Variants in PTPRN2 observed in about 807,000 individuals in gnomAD.
PTPRN2 encodes protein tyrosine phosphatase receptor type N2, also known as receptor-type tyrosine-protein phosphatase N2.
PTPRN2 carries 74 observed loss-of-function variants against 118.8 expected under a neutral mutation model. The observed-to-expected ratio is 0.62, with a 90% confidence interval of 0.52 to 0.76. The LOEUF (loss-of-function observed/expected upper bound fraction) is 0.76. PTPRN2 is among the 30% of genes least tolerant of loss of function. The pLI is 0.00. For synonymous variants in PTPRN2, 641 were observed against 608.0 expected, an observed-to-expected ratio of 1.05 and a Z score of -0.80; for missense variants, 1,481 against 1,394.4, an observed-to-expected ratio of 1.06 and a Z score of -0.99.
intron 5 of PTPRN2, among the ~76,000 whole-genome samples, chr7:158,180,817 G>A (rs1028954598): frequency 7.9e-5 from 12 of 152,128 alleles, no homozygotes; most frequent in African/African-American, 1.7e-4. Context: ...TCCTGAATTC[G>A]TTTATGAAAT....
At chr7:158,238,711 C>T (rs1388194034) in intron 3 of PTPRN2, among the ~76,000 whole-genome samples, 3 of 152,146 alleles carry the variant, frequency 2.0e-5, no homozygotes, top group Non-Finnish European at 4.4e-5. Flanking sequence ...CTGGGACTGG[C>T]TCTAGGTCAT....
chr7:158,007,479 G>A (rs1027158954), intron 11 of PTPRN2, among the ~76,000 whole-genome samples: 2 of 152,170 alleles, frequency 1.3e-5, no homozygotes, highest in South Asian at 2.1e-4. Flanking sequence ...TGATGGAGGG[G>A]ACCCAGACGC....
intron 1 of PTPRN2, among the ~76,000 whole-genome samples, chr7:158,524,948 T>C (rs1263997406): frequency 6.6e-6 from 1 of 152,180 alleles, no homozygotes; most frequent in African/African-American, 2.4e-5. Context: ...ATGAGGCCAC[T>C]GGGGGCTCCT....
intron 9 of PTPRN2, among the ~76,000 whole-genome samples, chr7:158,132,600 T>G (rs547820501): frequency 1.2e-5 from 1 of 84,794 alleles, no homozygotes; most frequent in Non-Finnish European, 2.2e-5. Flanking sequence ...TATGCACAGA[T>G]ACATGTCTAC....
Position 158,361,724 on chromosome 7 carries a change from T to C in PTPRN2, c.164-44792A>G, listed in dbSNP as rs1050493148. 6.6e-5 allele frequency among the ~76,000 whole-genome samples: 10 copies of C among 152,294 alleles called. No homozygotes were observed. In the South Asian group the frequency reaches 2.1e-3, roughly 32 times the overall value. ...GGGGGATCCTAGGCAGGCATGGATC[T>C]GTGTTCCCCCAACACAGATACCAAC... On this transcript the variant is annotated intron_variant, in intron 2 of 22. Coordinates refer to ENST00000389418, the MANE Select transcript of PTPRN2 (RefSeq NM_002847.5).
At chr7:157,897,449 G>A (rs867071926) in intron 12 of PTPRN2, among the ~76,000 whole-genome samples, 19 of 152,146 alleles carry the variant, frequency 1.2e-4, no homozygotes, top group Middle Eastern at 3.2e-3. Context: ...CAAGCTCCCG[G>A]GAAAGACCAG....
At position 158,128,651 on chromosome 7, in the gene PTPRN2, T is replaced by C. The variant is rs113729331; in HGVS notation, c.1556+5026A>G. Among the ~76,000 whole-genome samples the C allele has an allele frequency of 3.5e-3, 528 of 152,244 alleles. 5 individuals are homozygous for C. The highest frequency in any genetic ancestry group is 0.012 in the African/African-American group (500 of 41,554). Reference sequence around the variant, plus strand: ...GTCCTTCCCTCCAGGGTGAGCCCATTAGCAGCAATGGCACAGGATTGTCGG... The same window carrying C: ...GTCCTTCCCTCCAGGGTGAGCCCATCAGCAGCAATGGCACAGGATTGTCGG... On this transcript the variant is annotated intron_variant, in intron 9 of 22. Coordinates refer to ENST00000389418, the MANE Select transcript of PTPRN2 (RefSeq NM_002847.5).
At chr7:158,500,902 G>A (rs576811648) in intron 1 of PTPRN2, among the ~76,000 whole-genome samples, 3 of 152,368 alleles carry the variant, frequency 2.0e-5, no homozygotes, top group Non-Finnish European at 2.9e-5. Context: ...AGGCAAGGCC[G>A]GTGCTGCTGG....
chr7:158,461,475 A>G (rs1295143073), intron 2 of PTPRN2, among the ~76,000 whole-genome samples: 2 of 150,296 alleles, frequency 1.3e-5, no homozygotes, highest in Admixed American at 1.3e-4. Flanking sequence ...CAGCCTGGGC[A>G]ACAGAGCGAG....
At chr7:157,658,555 T>G (rs1010563732) in intron 13 of PTPRN2, among the ~76,000 whole-genome samples, 1 of 152,188 alleles carries the variant, frequency 6.6e-6, no homozygotes, top group Non-Finnish European at 1.5e-5. Flanking sequence ...GGGACCCGCC[T>G]GCAGGCAGGA....
chr7:158,095,173 T>A (rs1814532437), intron 10 of PTPRN2, among the ~76,000 whole-genome samples: 1 of 151,782 alleles, frequency 6.6e-6, no homozygotes. Flanking sequence ...AATCAGCTCA[T>A]GCGCAACGTC....
chr7:158,552,780 C>T (rs760032752), intron 1 of PTPRN2, among the ~76,000 whole-genome samples: 2 of 152,204 alleles, frequency 1.3e-5, no homozygotes, highest in Non-Finnish European at 2.9e-5. Flanking sequence ...TGTCTACATA[C>T]ACTGACAACA....
At chr7:158,316,264 C>T (rs1802314634) in intron 3 of PTPRN2, among the ~76,000 whole-genome samples, 1 of 152,332 alleles carries the variant, frequency 6.6e-6, no homozygotes, top group East Asian at 1.9e-4. Flanking sequence ...TTATCCATCA[C>T]CATGGTGTCC....
chr7:157,836,030 T>G (rs971894949), intron 12 of PTPRN2, among the ~76,000 whole-genome samples: 1 of 152,108 alleles, frequency 6.6e-6, no homozygotes, highest in Non-Finnish European at 1.5e-5. Flanking sequence ...AAAACAAATA[T>G]GAAGAGTACT....
rs1457091069 is a variant in PTPRN2 at position 157,974,667 on chromosome 7, A to C, written c.1724-75930T>G. Among the ~76,000 whole-genome samples, 1 of 126,424 alleles carries C rather than the reference A, an allele frequency of 7.9e-6. No individual in the cohort carries two copies. The highest frequency in any genetic ancestry group is 3.0e-5 in the African/African-American group (1 of 32,890). 82.9% of individuals were successfully genotyped at this position (126,424 alleles called of 152,430 possible). ...CGGGCAGGGCTCTGTGGTAAGACAC[A>C]GAGGGCAGGGGCTGGGGTGGGCAGG... On this transcript the variant is annotated intron_variant, in intron 11 of 22. Transcript: ENST00000389418. The surrounding 1 kb of genome is among the most constrained non-coding windows in gnomAD (Gnocchi z 4.0).
chr7:157,895,256 C>T (rs1461289767), intron 12 of PTPRN2, among the ~76,000 whole-genome samples: 2 of 149,468 alleles, frequency 1.3e-5, no homozygotes, highest in South Asian at 2.1e-4. Context: ...AGGGTCTGGA[C>T]GAGACCATAA....
chr7:158,152,237 A>G (rs1821268479), intron 6 of PTPRN2, among the ~76,000 whole-genome samples: 1 of 151,746 alleles, frequency 6.6e-6, no homozygotes, highest in East Asian at 1.9e-4. Flanking sequence ...CTGCGAAGAA[A>G]TAACCCAGAG....
intron 1 of PTPRN2, among the ~76,000 whole-genome samples, chr7:158,586,898 G>A (rs966407851): frequency 7.2e-5 from 11 of 152,090 alleles, no homozygotes; most frequent in Non-Finnish European, 1.3e-4. Context: ...GGGGAGTGCC[G>A]AGTGGCGGGG....
chr7:158,275,132 G>C (rs567069456), intron 3 of PTPRN2, among the ~76,000 whole-genome samples: 1 of 152,306 alleles, frequency 6.6e-6, no homozygotes, highest in African/African-American at 2.4e-5. Context: ...GAGGAGCCCC[G>C]GGGAAGAGCT....
Sources: gnomAD v4.1 joint callset for allele counts (sites outside exome capture counted in the v4.1 genomes callset) on GRCh38, gnomAD v4.1.1 for gene constraint, Gnocchi (gnomAD v3.1) non-coding constraint, MANE v1.5 for transcripts, NCBI Gene and HGNC (gene_info 2026-07-23, HGNC 2026-07-21) for gene names.